BICC1: variants seen among roughly 807,000 people sequenced by gnomAD.
The protein encoded by BICC1 is protein bicaudal C homolog 1.
Under a neutral mutation model 111.0 loss-of-function variants are expected in BICC1, and 43 were observed. The observed-to-expected ratio is 0.39, with a 90% CI of 0.30 to 0.50. The LOEUF is 0.50. Ranked by LOEUF, BICC1 falls within the 20% of genes least tolerant of loss-of-function variation. BICC1 has a pLI of 0.88. For missense variants in BICC1, 1,091 were observed against 1,203.2 expected (o/e 0.91, Z 1.38); for synonymous variants, 467 against 434.4 (o/e 1.07, Z -0.93).
intron 1 of BICC1, among the ~76,000 whole-genome samples, chr10:58,552,613 G>T (rs1310585474): frequency 6.6e-6 from 1 of 152,120 alleles, no homozygotes; most frequent in Non-Finnish European, 1.5e-5. Flanking sequence ...GGGATTACAG[G>T]TTATTCTTAT....
chr10:58,666,688 T>G (rs140613237), intron 2 of BICC1, among the ~76,000 whole-genome samples: 2 of 152,288 alleles, frequency 1.3e-5, no homozygotes, highest in East Asian at 3.9e-4. Flanking sequence ...TTGAATCTCT[T>G]TCTTCACCTG....
At chr10:58,730,558 A>C (rs1178161165) in intron 3 of BICC1, among the ~76,000 whole-genome samples, 2 of 151,804 alleles carry the variant, frequency 1.3e-5, no homozygotes, top group Non-Finnish European at 2.9e-5. Context: ...TTTCTCCTCC[A>C]CACTACCCTA....
intron 2 of BICC1, among the ~76,000 whole-genome samples, chr10:58,648,045 G>A (rs1387244980): frequency 6.6e-6 from 1 of 152,070 alleles, no homozygotes; most frequent in Non-Finnish European, 1.5e-5. Context: ...TGATCTGGTG[G>A]TTTCTTGCCT....
chr10:58,515,864 A>G (rs1202714730), intron 1 of BICC1, among the ~76,000 whole-genome samples: 1 of 152,244 alleles, frequency 6.6e-6, no homozygotes, highest in Non-Finnish European at 1.5e-5. Flanking sequence ...TGTTGTTATT[A>G]TTAATAATAA....
chr10:58,665,935 C>T (rs890669613), intron 2 of BICC1, among the ~76,000 whole-genome samples: 2 of 152,096 alleles, frequency 1.3e-5, no homozygotes, highest in Non-Finnish European at 2.9e-5. Flanking sequence ...CATGTATAGT[C>T]GGTTTCATCT....
chr10:58,750,956 C>A (rs745733653), intron 3 of BICC1, among the ~76,000 whole-genome samples: 1 of 152,094 alleles, frequency 6.6e-6, no homozygotes, highest in Non-Finnish European at 1.5e-5. Flanking sequence ...GCATCCCAAG[C>A]TTTGTTTTTC....
chr10:58,737,727 C>CTCCACA lies in BICC1; in HGVS notation c.307+35588_307+35593dup, dbSNP rs201462185. 1.4e-3 allele frequency among the ~76,000 whole-genome samples: 210 copies of CTCCACA among 151,968 alleles called. 1 individual carries two copies. The East Asian group carries it at 0.034, about 24-fold the overall frequency. On this transcript the variant is annotated intron_variant, in intron 3 of 20. Coordinates refer to ENST00000373886, the MANE Select transcript of BICC1 (RefSeq NM_001080512.3). ...TACAGTACCACCAATGGTGCTATTT[C>CTCCACA]TCCACATCCTCCCCAGCACCTGTTG...
chr10:58,599,583 G>A (rs1475325371), intron 1 of BICC1, among the ~76,000 whole-genome samples: 2 of 152,038 alleles, frequency 1.3e-5, no homozygotes, highest in Non-Finnish European at 2.9e-5. Flanking sequence ...AAACCACCAT[G>A]GCATGTGTAT....
In BICC1 at chr10:58,640,971, T is replaced by TA. The variant is rs1179788027; in HGVS notation, c.237+20070_237+20071insA. On this transcript the variant is annotated intron_variant, in intron 2 of 20. Transcript: ENST00000373886. ...TCAACTTTCAAAAGCAGTTCTTTGCTTTTCCACTTAGAAAAACACATTTAA... is the reference window on the plus strand; with the variant it reads ...TCAACTTTCAAAAGCAGTTCTTTGCTATTTCCACTTAGAAAAACACATTTAA... Among the ~76,000 whole-genome samples, 88 of 152,326 alleles carry TA rather than the reference T, an allele frequency of 5.8e-4. 1 individual carries two copies. The highest frequency in any genetic ancestry group is 2.1e-3 in the African/African-American group (86 of 41,578).
At chr10:58,541,259 G>C (rs1842972715) in intron 1 of BICC1, among the ~76,000 whole-genome samples, 1 of 151,990 alleles carries the variant, frequency 6.6e-6, no homozygotes, top group South Asian at 2.1e-4. Context: ...TAAATATAAT[G>C]ATCTTTTCAT....
At chr10:58,667,277 A>G (rs182568057) in intron 2 of BICC1, among the ~76,000 whole-genome samples, 12 of 137,220 alleles carry the variant, frequency 8.7e-5, no homozygotes, top group South Asian at 2.5e-4. Flanking sequence ...ACAATTTCTC[A>G]TAGCTATTAA....
At chr10:58,526,244 T>A (rs572418289) in intron 1 of BICC1, among the ~76,000 whole-genome samples, 1 of 152,004 alleles carries the variant, frequency 6.6e-6, no homozygotes, top group Non-Finnish European at 1.5e-5. Context: ...GGAGCCCTGA[T>A]TTCTTTTTGG....
chr10:58,562,763 C>A (rs78789595), intron 1 of BICC1, among the ~76,000 whole-genome samples: 1 of 120,628 alleles, frequency 8.3e-6, no homozygotes, highest in East Asian at 2.4e-4. Context: ...TTTTTTTTTT[C>A]TGTTTATGTG....
At chr10:58,600,435 C>G (rs937658593) in intron 1 of BICC1, among the ~76,000 whole-genome samples, 3 of 152,120 alleles carry the variant, frequency 2.0e-5, no homozygotes, top group Non-Finnish European at 4.4e-5. Flanking sequence ...ACACGACTTA[C>G]TGGAAGGTAA....
intron 3 of BICC1, among the ~76,000 whole-genome samples, chr10:58,768,235 A>C (rs1470233761): frequency 6.6e-6 from 1 of 152,174 alleles, no homozygotes; most frequent in Non-Finnish European, 1.5e-5. Context: ...TGTCAGTTAG[A>C]CTATCAATAA....
chr10:58,746,219 T>G (rs1795332328), intron 3 of BICC1, among the ~76,000 whole-genome samples: 1 of 152,180 alleles, frequency 6.6e-6, no homozygotes, highest in Admixed American at 6.6e-5. Context: ...AACTTTATTT[T>G]GCTTACATCT....
chr10:58,645,684 A>T (rs888107654), intron 2 of BICC1, among the ~76,000 whole-genome samples: 1 of 152,150 alleles, frequency 6.6e-6, no homozygotes, highest in Non-Finnish European at 1.5e-5. Flanking sequence ...TCCCATTGGC[A>T]TTTTGCGGCA....
In BICC1 at chr10:58,682,224, T is replaced by A. The variant is rs565445935; in HGVS notation, c.238-19850T>A. 4.6e-5 allele frequency among the ~76,000 whole-genome samples: 7 copies of A among 152,238 alleles called. No homozygotes were observed. In the South Asian group the frequency reaches 1.5e-3, roughly 32 times the overall value. ...ATTCTTTTCTATGGCTGCATAGTAT[T>A]CCATGGTGTATATGTGCCACATTTT... On this transcript the variant is annotated intron_variant, in intron 2 of 20. Coordinates refer to ENST00000373886, the MANE Select transcript of BICC1 (RefSeq NM_001080512.3).
intron 1 of BICC1, among the ~76,000 whole-genome samples, chr10:58,558,564 C>T (rs1843520168): frequency 6.6e-6 from 1 of 152,036 alleles, no homozygotes; most frequent in South Asian, 2.1e-4. Flanking sequence ...GAGTTGTTTT[C>T]AAATGTGAGG....
Sources: allele counts gnomAD v4.1 joint callset (sites outside exome capture counted in the v4.1 genomes callset), GRCh38; gene constraint gnomAD v4.1.1; transcripts MANE v1.5; gene names NCBI Gene and HGNC (gene_info 2026-07-23, HGNC 2026-07-21).